RTN1: variants seen among roughly 807,000 people sequenced by gnomAD.
RTN1 encodes reticulon-1.
RTN1 carries 25 observed loss-of-function variants against 65.5 expected under a neutral mutation model. The ratio of observed to expected loss-of-function variants is 0.38; its 90% CI spans 0.28 to 0.53. The LOEUF (loss-of-function observed/expected upper bound fraction) is 0.53. Ranked by LOEUF, RTN1 falls within the 20% of genes least tolerant of loss-of-function variation. RTN1 has a pLI of 0.79. For synonymous variants in RTN1, 471 were observed against 447.6 expected (o/e 1.05, Z -0.66); for missense variants, 983 against 1,025.4 (o/e 0.96, Z 0.57).
chr14:59,692,304 C>T (rs1465873073), intron 3 of RTN1, among the ~76,000 whole-genome samples: 1 of 151,942 alleles, frequency 6.6e-6, no homozygotes, highest in East Asian at 1.9e-4. Flanking sequence ...AGCTGAGAGC[C>T]AAATCAAGAA....
chr14:59,762,283 T>C (rs895598476), intron 1 of RTN1, among the ~76,000 whole-genome samples: 1 of 152,160 alleles, frequency 6.6e-6, no homozygotes, highest in Non-Finnish European at 1.5e-5. Flanking sequence ...ATTAAACTTA[T>C]AGGGAGGCCC....
At chr14:59,603,634 G>GAA (rs958629622) in intron 6 of RTN1, 132 of 336,534 alleles carry the variant, frequency 3.9e-4, no homozygotes, top group Non-Finnish European at 4.9e-4. Flanking sequence ...TATGTTTGAA[G>GAA]AAAAAAAACC....
At chr14:59,649,777 T>C (rs971077909) in intron 3 of RTN1, among the ~76,000 whole-genome samples, 2 of 152,132 alleles carry the variant, frequency 1.3e-5, no homozygotes, top group Non-Finnish European at 2.9e-5. Context: ...TGTGGAGAAA[T>C]AGGAATGCTT....
At position 59,766,153 on chromosome 14, in the gene RTN1, C is replaced by T. The variant is rs559188018; in HGVS notation, c.242-19672G>A. On this transcript the variant is annotated intron_variant, in intron 1 of 8. Transcript: ENST00000267484. This position sits in a 1 kb window ranked among gnomAD's most constrained non-coding sequence, Gnocchi z 4.4. Reference sequence around the variant, plus strand: ...GCTGAGGCAGGACTATTGCTTGAACCCGGGAGGCAGACATTGCAGTGAGTG... The same window carrying T: ...GCTGAGGCAGGACTATTGCTTGAACTCGGGAGGCAGACATTGCAGTGAGTG... 6.6e-6 allele frequency among the ~76,000 whole-genome samples: 1 copy of T among 152,144 alleles called. No individual in the cohort carries two copies. Among genetic ancestry groups the T allele is most frequent in the East Asian group, 1.9e-4 (1 of 5,174 alleles).
Position 59,727,612 on chromosome 14 carries a change from T to G in RTN1, c.1072A>C (p.Thr358Pro), listed in dbSNP as rs1594703995. ...AATCCCTTTGCTTCTTTGATGGCGG[T>G]GATCAGCTCATCCTCGGAGATGCTG... is the stretch of plus-strand genomic sequence containing the variant. ...KGSISEDELI[T>P]AIKEAKGLSY... Residue 358 changes from threonine (T) to proline (P), a missense_variant, in exon 3 of 9, where the codon ACC (threonine) becomes CCC (proline). Physicochemically the swap from Thr to Pro is conservative, Grantham distance 38. Coordinates refer to ENST00000267484, the MANE Select transcript of RTN1 (RefSeq NM_021136.3). This position sits in a 1 kb window ranked among gnomAD's most constrained non-coding sequence, Gnocchi z 4.2. 6.2e-7 allele frequency: 1 copy of G among 1,612,576 alleles called. No individual in the cohort carries two copies. Among genetic ancestry groups the G allele is most frequent in the East Asian group, 2.2e-5 (1 of 44,848 alleles).
chr14:59,737,678 G>A (rs924939581), intron 2 of RTN1, among the ~76,000 whole-genome samples: 4 of 152,092 alleles, frequency 2.6e-5, no homozygotes. Context: ...AATTCATTTG[G>A]AACCAAAAGA....
intron 1 of RTN1, among the ~76,000 whole-genome samples, chr14:59,765,017 C>CATTGAAGAATATTTT (rs1885823594): frequency 6.6e-6 from 1 of 151,978 alleles, no homozygotes; most frequent in Non-Finnish European, 1.5e-5. Context: ...TCATTGAAGT[C>CATTGAAGAATATTTT]CAGAGACGTA....
At chr14:59,793,780 CA>C (rs1322291129) in intron 1 of RTN1, among the ~76,000 whole-genome samples, 1 of 151,998 alleles carries the variant, frequency 6.6e-6, no homozygotes, top group Non-Finnish European at 1.5e-5. Flanking sequence ...GTGCTACTAT[CA>C]AAAATCATGT....
chr14:59,614,078 A>AC (rs1882037888), intron 3 of RTN1, among the ~76,000 whole-genome samples: 1 of 151,978 alleles, frequency 6.6e-6, no homozygotes, highest in East Asian at 1.9e-4. Flanking sequence ...CGCCCCCACT[A>AC]CCCCCACTGG....
intron 1 of RTN1, among the ~76,000 whole-genome samples, chr14:59,760,337 A>G (rs1885724302): frequency 6.6e-6 from 1 of 152,242 alleles, no homozygotes. Flanking sequence ...TATTGTTCAT[A>G]TCTGCATAAA....
chr14:59,745,812 T>C lies in RTN1; in HGVS notation c.911A>G (p.Gln304Arg). Reference sequence around the variant, plus strand: ...AGGACTTGGCTTTAGACATATATCTTGCTTCTCAGGGGTCTTCTCTTGGGT... The same window carrying C: ...AGGACTTGGCTTTAGACATATATCTCGCTTCTCAGGGGTCTTCTCTTGGGT... Reference protein sequence around the residue: ...TTTQEKTPEKQDICLKPSPDT... With the variant: ...TTTQEKTPEKRDICLKPSPDT... The change falls in exon 2 of 9, where the codon CAA becomes CGA. Residue 304 changes from glutamine to arginine, a missense_variant. Physicochemically the swap from Gln to Arg is conservative, Grantham distance 43 (BLOSUM62 1). Around this residue, in one of 2 missense-constraint regions of RTN1, gnomAD observed 818 missense variants for 801.8 expected, o/e 1.02. Transcript: ENST00000267484. 6.2e-7 allele frequency: 1 copy of C among 1,614,070 alleles called. No homozygotes were observed. The highest frequency in any genetic ancestry group is 8.5e-7 in the Non-Finnish European group (1 of 1,180,002).
chr14:59,723,354 C>G (rs978002025), intron 3 of RTN1, among the ~76,000 whole-genome samples: 1 of 151,958 alleles, frequency 6.6e-6, no homozygotes, highest in Non-Finnish European at 1.5e-5. Flanking sequence ...CGCCTGTAAT[C>G]CCAGCACTTT....
intron 3 of RTN1, among the ~76,000 whole-genome samples, chr14:59,689,275 T>A (rs1007895875): frequency 1.7e-4 from 26 of 152,162 alleles, no homozygotes; most frequent in African/African-American, 5.8e-4. Context: ...AAGGTAATTT[T>A]AAAAAGTGAA....
chr14:59,742,921 G>A (rs146656786), intron 2 of RTN1, among the ~76,000 whole-genome samples: 194 of 152,284 alleles, frequency 1.3e-3, no homozygotes, highest in African/African-American at 4.5e-3. Flanking sequence ...AAAAAGGGCA[G>A]GGAGAAAGGC....
At chr14:59,800,802 T>C (rs536226456) in intron 1 of RTN1, among the ~76,000 whole-genome samples, 5 of 152,190 alleles carry the variant, frequency 3.3e-5, no homozygotes, top group South Asian at 4.1e-4. Flanking sequence ...AGAAATATCA[T>C]ACAGAGAGAT....
chr14:59,605,804 T>G lies in RTN1; in HGVS notation c.1974-298A>C, dbSNP rs888154471. 3.8e-5 allele frequency: 10 copies of G among 262,138 alleles called. 1 individual carries two copies. In the South Asian group the frequency reaches 6.0e-4, roughly 16 times the overall value. 16.2% of individuals were successfully genotyped at this position (262,138 alleles called of 1,614,324 possible). The stretch of plus-strand genomic sequence containing the variant: ...ACCAGCTGGGACCAGAGAAAAAAAA[T>G]TAGTGCCAAATCAGCTCATTTGCTG... On this transcript the variant is annotated intron_variant, in intron 4 of 8. Transcript: ENST00000267484.
chr14:59,601,468 T>G (rs868005303), intron 8 of RTN1, among the ~76,000 whole-genome samples: 2 of 152,202 alleles, frequency 1.3e-5, no homozygotes, highest in African/African-American at 2.4e-5. Context: ...TCTGCACCAC[T>G]GGGCTAAGAG....
intron 3 of RTN1, among the ~76,000 whole-genome samples, chr14:59,679,009 A>G (rs1883687697): frequency 6.6e-6 from 1 of 152,176 alleles, no homozygotes; most frequent in Non-Finnish European, 1.5e-5. Flanking sequence ...TGTGATTTCA[A>G]AAAGCAAGGG....
Position 59,829,137 on chromosome 14 carries a change from C to A in RTN1, c.241+41253G>T, listed in dbSNP as rs1238641278. Among the ~76,000 whole-genome samples, 1 of 152,176 alleles carries A rather than the reference C, an allele frequency of 6.6e-6. No individual in the cohort carries two copies. The highest frequency in any genetic ancestry group is 1.5e-5 in the Non-Finnish European group (1 of 68,026). ...CATTTATACTTAAAAGGCAACTACA[C>A]AGCAATACACCGTTCATTAATTAAC... On this transcript the variant is annotated intron_variant, in intron 1 of 8. Coordinates refer to ENST00000267484, the MANE Select transcript of RTN1 (RefSeq NM_021136.3). This position sits in a 1 kb window ranked among gnomAD's most constrained non-coding sequence, Gnocchi z 4.3.
Sources: gnomAD v4.1 joint callset for allele counts (sites outside exome capture counted in the v4.1 genomes callset) on GRCh38, gnomAD v4.1.1 for gene constraint, gnomAD v4.1.1 regional missense constraint, Gnocchi (gnomAD v3.1) non-coding constraint, MANE v1.5 for transcripts, NCBI Gene and HGNC (gene_info 2026-07-23, HGNC 2026-07-21) for gene names.